The following PCM1 variants were observed in gnomAD, a reference collection of about 807,000 sequenced individuals.
PCM1 encodes the protein pericentriolar material 1.
PCM1 carries 157 observed loss-of-function variants against 241.9 expected under a neutral mutation model. The observed-to-expected ratio is 0.65, with a 90% confidence interval of 0.57 to 0.74. PCM1 has a LOEUF of 0.74. Ranked by LOEUF, PCM1 falls within the 30% of genes least tolerant of loss-of-function variation. The pLI, the probability that PCM1 is intolerant of heterozygous loss-of-function variation, is 0.00. For missense variants in PCM1, 3,478 were observed against 2,360.1 expected, an observed-to-expected ratio of 1.47 and a Z score of -9.81; for synonymous variants, 1,085 against 784.9, an observed-to-expected ratio of 1.38 and a Z score of -6.39.
chr8:17,962,475 A>AG (rs2072824183), intron 16 of PCM1, among the ~76,000 whole-genome samples: 1 of 152,176 alleles, frequency 6.6e-6, no homozygotes, highest in African/African-American at 2.4e-5. Context: ...AGAAATATAT[A>AG]GGGGGGTAGT....
chr8:17,986,245 G>A (rs2082549485), intron 26 of PCM1, 158 bp downstream of exon 26: 2 of 473,224 alleles, frequency 4.2e-6, no homozygotes, highest in East Asian at 6.9e-5. Context: ...TTGAGGGCGA[G>A]ATATAATATG....
intron 2 of PCM1, chr8:17,928,028 A>G (rs2129446028): frequency 6.6e-6 from 1 of 151,710 alleles, no homozygotes; most frequent in East Asian, 1.9e-4. Context: ...AAGGCATAGC[A>G]TGAGTAGAAG....
In PCM1 at chr8:17,967,103, C is replaced by T. The variant is rs979614228; in HGVS notation, c.3345C>T (p.Ser1115=). 7 of 1,607,368 alleles carry T rather than the reference C, an allele frequency of 4.4e-6. No homozygotes were observed. Among genetic ancestry groups the T allele is most frequent in the Admixed American group, 1.7e-5 (1 of 59,046 alleles). ...CTCCCAGTTTATTTTGTCCTTTCAG[C>T]TTTCCAACACAGCCTGTAAATCTCT... ...PPSPSLFCPF[S]FPTQPVNLFN... is the part of the protein sequence containing the mutation. The change falls in exon 21 of 39, where the codon AGC becomes AGT. Residue 1115 remains serine, a synonymous_variant. Transcript: ENST00000325083.
At chr8:18,001,116 G>C (rs549728625) in intron 29 of PCM1, among the ~76,000 whole-genome samples, 77 of 152,324 alleles carry the variant, frequency 5.1e-4, no homozygotes, top group Non-Finnish European at 8.7e-4. Flanking sequence ...AGGTGATTCA[G>C]CATTTGTAAG....
intron 13 of PCM1, among the ~76,000 whole-genome samples, chr8:17,958,235 G>A (rs2069630477): frequency 6.6e-6 from 1 of 152,112 alleles, no homozygotes; most frequent in South Asian, 2.1e-4. Flanking sequence ...AATTGCCGAA[G>A]TTTATATGAC....
intron 6 of PCM1, among the ~76,000 whole-genome samples, chr8:17,940,807 T>G (rs1279269388): frequency 3.3e-5 from 5 of 152,174 alleles, no homozygotes; most frequent in South Asian, 4.1e-4. Flanking sequence ...TAAAACTTAG[T>G]GTGGTTCAAT....
chr8:17,931,577 C>T (rs1380892842), intron 2 of PCM1, among the ~76,000 whole-genome samples: 1 of 152,138 alleles, frequency 6.6e-6, no homozygotes, highest in Non-Finnish European at 1.5e-5. Flanking sequence ...TCTTACTTTA[C>T]TATTACTTCA....
chr8:18,015,672 AT>A (rs1175598995), intron 36 of PCM1: 1 of 151,848 alleles, frequency 6.6e-6, no homozygotes, highest in East Asian at 1.9e-4. Flanking sequence ...TCTTACTCAA[AT>A]AAACTGTAAA....
chr8:18,009,116 T>C (rs1241659002), intron 30 of PCM1, among the ~76,000 whole-genome samples: 1 of 151,970 alleles, frequency 6.6e-6, no homozygotes, highest in Admixed American at 6.5e-5. Context: ...AAATTTAAAT[T>C]AGAATGGTTG....
At position 17,957,270 on chromosome 8, in the gene PCM1, A is replaced by G. The variant is rs1024722571; in HGVS notation, c.1653A>G (p.Pro551=). Residue 551 remains proline (P), a synonymous_variant, in exon 12 of 39, where the codon CCA becomes CCG. Coordinates refer to ENST00000325083, the MANE Select transcript of PCM1 (RefSeq NM_006197.4). The part of the protein sequence containing the change: ...NSEPVTNIRN[P]QVASTWNEVN... ...GCTGTTTTCTTTCTTCTAGAAATCCACAAGTAGCTTCCACTTGGAATGAAG... is the reference window on the plus strand; with the variant it reads ...GCTGTTTTCTTTCTTCTAGAAATCCGCAAGTAGCTTCCACTTGGAATGAAG... 6 of 1,583,806 alleles carry G rather than the reference A, an allele frequency of 3.8e-6. No homozygotes were observed. Among genetic ancestry groups the G allele is most frequent in the African/African-American group, 1.4e-5 (1 of 73,828 alleles).
intron 6 of PCM1, chr8:17,940,262 T>C: frequency 1.6e-6 from 1 of 627,524 alleles, no homozygotes; most frequent in Non-Finnish European, 2.8e-6. Context: ...GAAAAGTGTA[T>C]TCCAGGGAAG....
At chr8:17,957,879 TTATG>T (rs2069385729) in intron 13 of PCM1, 104 bp downstream of exon 13, 1 of 742,292 alleles carries the variant, frequency 1.3e-6, no homozygotes, top group Non-Finnish European at 2.2e-6. Context: ...TAATACACAT[TTATG>T]TATCATATGT....
intron 29 of PCM1, among the ~76,000 whole-genome samples, chr8:18,000,848 A>G (rs927789539): frequency 5.3e-5 from 8 of 152,206 alleles, no homozygotes; most frequent in Middle Eastern, 3.4e-3. Flanking sequence ...ACCTCAAGTG[A>G]TGCACCCGCC....
chr8:17,935,913 A>T (rs1379622512), intron 3 of PCM1, among the ~76,000 whole-genome samples: 1 of 152,166 alleles, frequency 6.6e-6, no homozygotes, highest in Non-Finnish European at 1.5e-5. Context: ...TTACATAAAG[A>T]TGTAAAAGTG....
At chr8:17,967,551 A>G (rs1587188122) in intron 21 of PCM1, among the ~76,000 whole-genome samples, 1 of 150,746 alleles carries the variant, frequency 6.6e-6, no homozygotes, top group Non-Finnish European at 1.5e-5. Flanking sequence ...CAGGTGATCC[A>G]CCTGCCTTGG....
chr8:17,935,130 G>T (rs557884248), intron 2 of PCM1, among the ~76,000 whole-genome samples: 36 of 152,156 alleles, frequency 2.4e-4, no homozygotes, highest in African/African-American at 8.4e-4. Context: ...CTTGTTTCTT[G>T]CAGAGCAGTT....
At chr8:18,001,394 A>C (rs892156605) in intron 29 of PCM1, among the ~76,000 whole-genome samples, 3 of 152,212 alleles carry the variant, frequency 2.0e-5, no homozygotes, top group African/African-American at 4.8e-5. Flanking sequence ...AAACATTTTT[A>C]AAGCTTTTTA....
intron 38 of PCM1, among the ~76,000 whole-genome samples, chr8:18,027,021 C>T (rs894890213): frequency 6.6e-6 from 1 of 152,154 alleles, no homozygotes; most frequent in Non-Finnish European, 1.5e-5. Flanking sequence ...GCTCTGGAGC[C>T]ACTCAATGTT....
At chr8:17,930,408 T>A (rs1355966918) in intron 2 of PCM1, among the ~76,000 whole-genome samples, 1 of 151,930 alleles carries the variant, frequency 6.6e-6, no homozygotes, top group Non-Finnish European at 1.5e-5. Flanking sequence ...TGACCGTTAC[T>A]GGAATACTTT....
Sources: gnomAD v4.1 joint callset for allele counts (sites outside exome capture counted in the v4.1 genomes callset) on GRCh38, gnomAD v4.1.1 for gene constraint, MANE v1.5 for transcripts, NCBI Gene and HGNC (gene_info 2026-07-23, HGNC 2026-07-21) for gene names.